RALGAPA1: variants seen among roughly 807,000 people sequenced by gnomAD.
RALGAPA1 encodes Ral GTPase activating protein catalytic subunit alpha 1.
In RALGAPA1, 52 loss-of-function variants were observed where a neutral mutation model predicts 269.6. That is an observed-to-expected ratio of 0.19 (90% CI 0.15 to 0.24). RALGAPA1 has a LOEUF of 0.24. Ranked by LOEUF, RALGAPA1 falls within the 10% of genes least tolerant of loss-of-function variation. RALGAPA1 has a pLI of 1.00. For synonymous variants in RALGAPA1, 817 were observed against 1,008.3 expected (o/e 0.81, Z 3.60); for missense variants, 1,917 against 3,013.9 (o/e 0.64, Z 8.52).
intron 31 of RALGAPA1, among the ~76,000 whole-genome samples, chr14:35,646,451 T>C (rs1474489241): frequency 6.6e-6 from 1 of 152,174 alleles, no homozygotes; most frequent in African/African-American, 2.4e-5. Flanking sequence ...GAGGTATTCC[T>C]GCCAAATACG....
intron 37 of RALGAPA1, among the ~76,000 whole-genome samples, chr14:35,588,171 C>T (rs758213951): frequency 2.2e-4 from 33 of 152,316 alleles, no homozygotes; most frequent in Admixed American, 3.3e-4. Flanking sequence ...CCTCACGTTC[C>T]GCCCGCCTCA....
intron 31 of RALGAPA1, 78 bp downstream of exon 31, chr14:35,651,727 T>C (rs927127922): frequency 1.1e-5 from 15 of 1,317,562 alleles, no homozygotes; most frequent in African/African-American, 1.5e-5. Context: ...CATGTAAATA[T>C]ACATACCTTT....
chr14:35,548,258 G>A (rs186356173), intron 41 of RALGAPA1, among the ~76,000 whole-genome samples: 1 of 152,186 alleles, frequency 6.6e-6, no homozygotes, highest in East Asian at 1.9e-4. Flanking sequence ...ATAACAAGGT[G>A]TAACTAATTT....
intron 16 of RALGAPA1, among the ~76,000 whole-genome samples, chr14:35,716,541 T>C (rs1387805413): frequency 6.6e-6 from 1 of 151,984 alleles, no homozygotes; most frequent in African/African-American, 2.4e-5. Flanking sequence ...TATATACCTA[T>C]ATACCATTAT....
chr14:35,624,533 A>C (rs561719803), intron 35 of RALGAPA1, among the ~76,000 whole-genome samples: 1 of 152,240 alleles, frequency 6.6e-6, no homozygotes, highest in East Asian at 1.9e-4. Context: ...CATAAAGAGG[A>C]GATAACTTTT....
At chr14:35,743,923 C>T (rs533956854) in intron 10 of RALGAPA1, among the ~76,000 whole-genome samples, 1 of 152,120 alleles carries the variant, frequency 6.6e-6, no homozygotes, top group Non-Finnish European at 1.5e-5. Context: ...TTCCTTATCA[C>T]AAATACACAT....
intron 16 of RALGAPA1, chr14:35,707,354 T>C (rs542857293): frequency 8.5e-5 from 13 of 152,352 alleles, no homozygotes; most frequent in African/African-American, 2.9e-4. Context: ...AATAGTGAGA[T>C]ATCCTTGCCT....
chr14:35,651,423 C>T (rs1451896476), intron 31 of RALGAPA1, among the ~76,000 whole-genome samples: 1 of 152,074 alleles, frequency 6.6e-6, no homozygotes, highest in African/African-American at 2.4e-5. Context: ...TTTTAAATGA[C>T]GTATCTCTAT....
At chr14:35,635,678 T>C in intron 31 of RALGAPA1, 80 bp from the exon 32 acceptor site, 1 of 1,295,908 alleles carries the variant, frequency 7.7e-7, no homozygotes, top group Non-Finnish European at 1.0e-6. Flanking sequence ...TATTCTTGAG[T>C]TTCCAAAATT....
chr14:35,546,744 T>C, intron 41 of RALGAPA1, among the ~76,000 whole-genome samples: 1 of 152,088 alleles, frequency 6.6e-6, no homozygotes, highest in Non-Finnish European at 1.5e-5. Context: ...ATTATGTCAT[T>C]TTTGCAAACC....
chr14:35,724,591 ATTAT>A (rs2069721345), intron 14 of RALGAPA1, among the ~76,000 whole-genome samples: 1 of 152,174 alleles, frequency 6.6e-6, no homozygotes, highest in African/African-American at 2.4e-5. Flanking sequence ...ATCAATCTTA[ATTAT>A]TTATTACTTT....
intron 35 of RALGAPA1, among the ~76,000 whole-genome samples, chr14:35,608,620 A>G (rs1448032261): frequency 6.6e-6 from 1 of 152,222 alleles, no homozygotes. Context: ...ATAATGATAC[A>G]ATGTCAACCT....
Position 35,575,107 on chromosome 14 carries a change from G to A in RALGAPA1, c.7210-2389C>T, listed in dbSNP as rs147598667. 3.1e-4 allele frequency among the ~76,000 whole-genome samples: 45 copies of A among 143,790 alleles called. 1 individual carries two copies. In the East Asian group the frequency reaches 7.6e-3, roughly 24 times the overall value. The allele number at this position is 143,790 out of a possible 152,430, so 94.3% of individuals were successfully genotyped here. On this transcript the variant is annotated intron_variant, in intron 37 of 41. Transcript: ENST00000680220. ...CATGCCACTGCACTCCAGCCTGTGC[G>A]ACACAGTGAGACTCCATCTCAAAGA...
intron 11 of RALGAPA1, among the ~76,000 whole-genome samples, chr14:35,742,062 A>C (rs2071600544): frequency 6.6e-6 from 1 of 152,168 alleles, no homozygotes; most frequent in South Asian, 2.1e-4. Context: ...TTTAAAATCC[A>C]TTTTGATGTA....
intron 37 of RALGAPA1, among the ~76,000 whole-genome samples, chr14:35,576,064 T>C (rs972731328): frequency 1.3e-5 from 2 of 152,234 alleles, no homozygotes; most frequent in Non-Finnish European, 2.9e-5. Flanking sequence ...TACCTTTCCT[T>C]TTCCAGGTTA....
At chr14:35,702,742 CA>C (rs1321356684) in intron 16 of RALGAPA1, among the ~76,000 whole-genome samples, 1 of 139,388 alleles carries the variant, frequency 7.2e-6, no homozygotes, top group African/African-American at 2.9e-5. Context: ...TATATATATA[CA>C]TTTTTTTTTT....
At chr14:35,658,166 G>C (rs1359441888) in intron 28 of RALGAPA1, among the ~76,000 whole-genome samples, 2 of 152,108 alleles carry the variant, frequency 1.3e-5, no homozygotes, top group Non-Finnish European at 2.9e-5. Context: ...GAAAATCCTT[G>C]TAAACTTAAT....
rs760065187 is a variant in RALGAPA1, at chr14:35,539,502, A to T, written c.*212T>A. The T allele has an allele frequency of 6.2e-7, 1 of 1,600,670 alleles. No homozygotes were observed. Among genetic ancestry groups the T allele is most frequent in the Admixed American group, 1.7e-5 (1 of 59,024 alleles). On this transcript the variant is annotated 3_prime_UTR_variant, in exon 42 of 42. Coordinates refer to ENST00000680220, the MANE Select transcript of RALGAPA1 (RefSeq NM_001346249.2). The stretch of plus-strand genomic sequence containing the variant: ...AAAGGGTTAACCCTATGTTCGTGCT[A>T]AGGTGGCTACTGCTGATCACTGCTG...
chr14:35,539,488 C>A lies in RALGAPA1; in HGVS notation c.*226G>T, dbSNP rs2053768838. ...GACATGAAGGCCTGAAAGGGTTAAC[C>A]CTATGTTCGTGCTAAGGTGGCTACT... On this transcript the variant is annotated 3_prime_UTR_variant, in exon 42 of 42. Coordinates refer to ENST00000680220, the MANE Select transcript of RALGAPA1 (RefSeq NM_001346249.2). 2.5e-6 allele frequency: 4 copies of A among 1,584,712 alleles called. No individual in the cohort carries two copies. Among genetic ancestry groups the A allele is most frequent in the Non-Finnish European group, 3.4e-6 (4 of 1,165,296 alleles).
Sources: allele counts gnomAD v4.1 joint callset (sites outside exome capture counted in the v4.1 genomes callset), GRCh38; gene constraint gnomAD v4.1.1; transcripts MANE v1.5; gene names NCBI Gene and HGNC (gene_info 2026-07-23, HGNC 2026-07-21).